The following PACSIN2 variants were observed in gnomAD, a reference collection of about 807,000 sequenced individuals.
The protein encoded by PACSIN2 is protein kinase C and casein kinase substrate in neurons protein 2.
Under a neutral mutation model 63.8 loss-of-function variants are expected in PACSIN2, and 25 were observed. That is an observed-to-expected ratio of 0.39 (90% CI 0.29 to 0.55). PACSIN2 has a LOEUF of 0.55. Among genes scored for constraint, PACSIN2 ranks in the 20% least tolerant of loss-of-function variants. The pLI is 0.62. For missense variants in PACSIN2, 518 were observed against 646.9 expected, an observed-to-expected ratio of 0.80 and a Z score of 2.16; for synonymous variants, 255 against 256.2, an observed-to-expected ratio of 1.00 and a Z score of 0.05.
chr22:42,910,223 G>T (rs144988057), intron 2 of PACSIN2, among the ~76,000 whole-genome samples: 1 of 152,276 alleles, frequency 6.6e-6, no homozygotes, highest in African/African-American at 2.4e-5. Flanking sequence ...TGCTTGTCCT[G>T]TCTGCACCAC....
chr22:42,985,194 G>A (rs1278304096), intron 1 of PACSIN2, among the ~76,000 whole-genome samples: 5 of 152,170 alleles, frequency 3.3e-5, no homozygotes, highest in African/African-American at 9.7e-5. Flanking sequence ...CAGGAGTGGC[G>A]GCACATGCCT....
intron 6 of PACSIN2, 131 bp from the exon 7 acceptor site, chr22:42,882,435 C>A: frequency 1.0e-6 from 1 of 1,001,910 alleles, no homozygotes; most frequent in Non-Finnish European, 1.5e-6. Context: ...AGAGCCAGAA[C>A]ACTCCTCCCT....
chr22:42,985,538 C>G (rs1157831754), intron 1 of PACSIN2, among the ~76,000 whole-genome samples: 1 of 152,216 alleles, frequency 6.6e-6, no homozygotes, highest in African/African-American at 2.4e-5. Flanking sequence ...CACCTAGGTG[C>G]AACTGAAGAC....
intron 1 of PACSIN2, among the ~76,000 whole-genome samples, chr22:42,980,607 C>A (rs917802027): frequency 7.4e-6 from 1 of 135,036 alleles, no homozygotes; most frequent in Non-Finnish European, 1.6e-5. Context: ...CTGCCTCAGC[C>A]TGCCGAGTGC....
chr22:42,874,857 T>C lies in PACSIN2; in HGVS notation c.1348+1280A>G, dbSNP rs538001861. Among the ~76,000 whole-genome samples, 12 of 150,412 alleles carry C rather than the reference T, an allele frequency of 8.0e-5. 1 individual carries two copies. The highest frequency in any genetic ancestry group is 3.3e-4 in the Admixed American group (5 of 15,126). On this transcript the variant is annotated intron_variant, in intron 10 of 10. Coordinates refer to ENST00000263246, the MANE Select transcript of PACSIN2 (RefSeq NM_001184970.3). ...GTCTTGGCATTGGGCATCCGCTTTT[T>C]TTTTTTTTTTTGAAAAAGAGTTTTG...
intron 8 of PACSIN2, among the ~76,000 whole-genome samples, chr22:42,877,927 G>C (rs535385531): frequency 6.6e-6 from 1 of 152,236 alleles, no homozygotes. Flanking sequence ...AAGGAAGGGA[G>C]GCGAGGACAT....
intron 2 of PACSIN2, among the ~76,000 whole-genome samples, chr22:42,897,132 T>C (rs897981147): frequency 6.6e-6 from 1 of 152,170 alleles, no homozygotes; most frequent in African/African-American, 2.4e-5. Flanking sequence ...AGACAGGGTT[T>C]TGCCGTGTTG....
At chr22:42,934,302 A>G (rs1932844756) in intron 1 of PACSIN2, among the ~76,000 whole-genome samples, 1 of 152,254 alleles carries the variant, frequency 6.6e-6, no homozygotes, top group Non-Finnish European at 1.5e-5. Context: ...TCTGGTAAAG[A>G]GCTACAGCAC....
rs765787751 is a variant in PACSIN2, at chr22:42,879,118, CCTT to C, written c.955_957del (p.Lys319del). 94 of 1,613,932 alleles carry C rather than the reference CCTT, an allele frequency of 5.8e-5. 1 individual carries two copies. The highest frequency in any genetic ancestry group is 3.2e-4 in the Admixed American group (19 of 59,986). ...CCCGTCAGGGTGACGCCGTCAGTGGCCTTCTTCTTCTCTCTCCGGCTGAGGGTT... is the reference window on the plus strand; with the variant it reads ...CCCGTCAGGGTGACGCCGTCAGTGGCCTTCTTCTCTCTCCGGCTGAGGGTT... On this transcript the variant is annotated inframe_deletion, in exon 8 of 11. Coordinates refer to ENST00000263246, the MANE Select transcript of PACSIN2 (RefSeq NM_001184970.3).
intron 2 of PACSIN2, among the ~76,000 whole-genome samples, 183 bp downstream of exon 2, chr22:42,911,838 C>T (rs1369383476): frequency 6.6e-6 from 1 of 152,206 alleles, no homozygotes; most frequent in African/African-American, 2.4e-5. Context: ...CTAAGGCATA[C>T]CTGAACTGCC....
At chr22:42,892,343 C>T (rs917368851) in intron 3 of PACSIN2, among the ~76,000 whole-genome samples, 1 of 152,108 alleles carries the variant, frequency 6.6e-6, no homozygotes, top group African/African-American at 2.4e-5. Flanking sequence ...CTGTGAGAAC[C>T]CAGAGGGGGA....
intron 1 of PACSIN2, among the ~76,000 whole-genome samples, chr22:42,989,457 G>C (rs537553347): frequency 6.8e-4 from 101 of 147,950 alleles, no homozygotes; most frequent in African/African-American, 2.0e-3. Context: ...GAGATCACAC[G>C]ATTGCACTCC....
Position 42,893,627 on chromosome 22 carries a change from CCAGCTGGGAGG to C in PACSIN2, c.61-25_61-15del. On this transcript the variant is annotated splice_polypyrimidine_tract_variant and intron_variant, in intron 2 of 10. Coordinates refer to ENST00000263246, the MANE Select transcript of PACSIN2 (RefSeq NM_001184970.3). The stretch of plus-strand genomic sequence containing the variant: ...GTAGTTCCCGACCTAGGAGAGAGAA[CCAGCTGGGAGG>C]CAGGGGGCTTGGGGCAGCCTGTCCT... 2 of 1,608,648 alleles carry C rather than the reference CCAGCTGGGAGG, an allele frequency of 1.2e-6. No homozygotes were observed. Among genetic ancestry groups the C allele is most frequent in the Non-Finnish European group, 1.7e-6 (2 of 1,175,686 alleles).
Position 42,879,095 on chromosome 22 carries a change from C to T in PACSIN2, c.981G>A (p.Thr327=), listed in dbSNP as rs1569209812. Reference sequence around the variant, plus strand: ...ACTGGTCGCCTGTCTGGTTGATGCCCGTCAGGGTGACGCCGTCAGTGGCCT... The same window carrying T: ...ACTGGTCGCCTGTCTGGTTGATGCCTGTCAGGGTGACGCCGTCAGTGGCCT... ...KKKATDGVTL[T]GINQTGDQSL... The change falls in exon 8 of 11, where the codon ACG becomes ACA. Residue 327 remains threonine, a synonymous_variant. Transcript: ENST00000263246. 42 of 1,614,036 alleles carry T rather than the reference C, an allele frequency of 2.6e-5. No individual in the cohort carries two copies. The highest frequency in any genetic ancestry group is 5.3e-5 in the African/African-American group (4 of 74,950).
At chr22:42,962,731 G>T (rs5751404) in intron 1 of PACSIN2, among the ~76,000 whole-genome samples, 85,480 of 139,772 alleles carry the variant, frequency 0.61, 26,502 homozygotes, top group East Asian at 0.79. Flanking sequence ...TGGAGGCATT[G>T]TGAGTCCTGC....
chr22:43,014,505 G>C (rs1401860328), intron 1 of PACSIN2, among the ~76,000 whole-genome samples: 1 of 151,262 alleles, frequency 6.6e-6, no homozygotes, highest in Non-Finnish European at 1.5e-5. Flanking sequence ...CCCTCTCACC[G>C]GCGCGTCCCA....
chr22:42,963,595 C>T (rs939015149), intron 1 of PACSIN2, among the ~76,000 whole-genome samples: 4 of 152,118 alleles, frequency 2.6e-5, no homozygotes, highest in African/African-American at 9.7e-5. Flanking sequence ...ACGTTTACCA[C>T]GCTCATTTGA....
At chr22:42,924,648 C>T (rs1032040787) in intron 1 of PACSIN2, among the ~76,000 whole-genome samples, 1 of 152,198 alleles carries the variant, frequency 6.6e-6, no homozygotes, top group Non-Finnish European at 1.5e-5. Flanking sequence ...TTGGCTCCTC[C>T]GCTGGTCTGG....
At chr22:42,898,344 T>G (rs1375745651) in intron 2 of PACSIN2, among the ~76,000 whole-genome samples, 1 of 151,644 alleles carries the variant, frequency 6.6e-6, no homozygotes, top group Non-Finnish European at 1.5e-5. Context: ...CGATCTCGGC[T>G]CACCACAACC....
Sources: allele counts gnomAD v4.1 joint callset (sites outside exome capture counted in the v4.1 genomes callset), GRCh38; gene constraint gnomAD v4.1.1; transcripts MANE v1.5; gene names NCBI Gene and HGNC (gene_info 2026-07-23, HGNC 2026-07-21).